The following DAB1 variants were observed in gnomAD, a reference collection of about 807,000 sequenced individuals.
DAB1 encodes the protein DAB adaptor protein 1.
A neutral mutation model predicts 64.6 loss-of-function variants in DAB1; 15 were observed. The ratio of observed to expected loss-of-function variants is 0.23; its 90% confidence interval spans 0.16 to 0.36. DAB1 has a LOEUF of 0.36. DAB1 is among the 10% of genes least tolerant of loss of function. The pLI is 1.00. For synonymous variants in DAB1, 235 were observed against 251.9 expected (o/e 0.93, Z 0.64); for missense variants, 596 against 706.7 (o/e 0.84, Z 1.78).
At chr1:57,385,466 T>A (rs914458877) in intron 1 of DAB1, among the ~76,000 whole-genome samples, 17 of 152,190 alleles carry the variant, frequency 1.1e-4, no homozygotes, top group African/African-American at 4.1e-4. Flanking sequence ...TGTAATGCAT[T>A]CAGTCAGCAA....
intron 2 of DAB1, among the ~76,000 whole-genome samples, chr1:57,173,230 A>C (rs781040184): frequency 2.6e-5 from 4 of 152,172 alleles, no homozygotes; most frequent in African/African-American, 4.8e-5. Flanking sequence ...TAAATGCCAG[A>C]GAAAGAAGCA....
chr1:58,363,942 C>T (rs1644191883), intron 3 of DAB1, among the ~76,000 whole-genome samples: 1 of 152,212 alleles, frequency 6.6e-6, no homozygotes, highest in Admixed American at 6.5e-5. Context: ...GTTGGTGCAA[C>T]ATATTTTCTG....
intron 6 of DAB1, among the ~76,000 whole-genome samples, chr1:57,734,552 T>C (rs1215647218): frequency 6.6e-6 from 1 of 152,198 alleles, no homozygotes; most frequent in Non-Finnish European, 1.5e-5. Context: ...GAAGCATCTA[T>C]TCCATTCTCC....
At chr1:57,520,070 T>A (rs1422781745) in intron 7 of DAB1, among the ~76,000 whole-genome samples, 3 of 152,234 alleles carry the variant, frequency 2.0e-5, no homozygotes, top group African/African-American at 7.2e-5. Context: ...TTTAACAAGT[T>A]ATTTTACCTC....
At chr1:57,079,334 T>C (rs747234422) in intron 4 of DAB1, among the ~76,000 whole-genome samples, 1 of 152,100 alleles carries the variant, frequency 6.6e-6, no homozygotes, top group Non-Finnish European at 1.5e-5. Context: ...CAAAAACAAG[T>C]CCATCTTGTC....
chr1:57,729,779 G>A (rs576426275), intron 6 of DAB1, among the ~76,000 whole-genome samples: 2 of 152,314 alleles, frequency 1.3e-5, no homozygotes, highest in East Asian at 1.9e-4. Flanking sequence ...AGAACCTTAT[G>A]TCCAGGCATG....
chr1:58,467,339 G>A (rs1004225430), intron 3 of DAB1, among the ~76,000 whole-genome samples: 7 of 152,184 alleles, frequency 4.6e-5, no homozygotes, highest in Admixed American at 2.6e-4. Flanking sequence ...AAAGCAGAAC[G>A]TCTGCTTTTT....
chr1:57,760,262 G>A, intron 6 of DAB1, among the ~76,000 whole-genome samples: 1 of 152,066 alleles, frequency 6.6e-6, no homozygotes, highest in East Asian at 1.9e-4. Context: ...CAGATACATG[G>A]TAATATCTCA....
chr1:57,371,135 A>G (rs926204458), intron 1 of DAB1, among the ~76,000 whole-genome samples: 3 of 152,238 alleles, frequency 2.0e-5, no homozygotes, highest in African/African-American at 7.2e-5. Context: ...CTGCTGAACC[A>G]TAACATTCTC....
intron 6 of DAB1, among the ~76,000 whole-genome samples, chr1:57,651,423 GA>G (rs1423919615): frequency 6.6e-6 from 1 of 152,116 alleles, no homozygotes; most frequent in African/African-American, 2.4e-5. Flanking sequence ...AAAGTTACAG[GA>G]TAGATTATTG....
chr1:57,253,695 T>G, intron 2 of DAB1, among the ~76,000 whole-genome samples: 1 of 152,290 alleles, frequency 6.6e-6, no homozygotes, highest in South Asian at 2.1e-4. Context: ...CTTGGTATGG[T>G]TAGTGTATCT....
chr1:58,064,944 TC>T (rs986663539), intron 5 of DAB1, among the ~76,000 whole-genome samples: 5 of 152,020 alleles, frequency 3.3e-5, no homozygotes, highest in African/African-American at 1.2e-4. Context: ...TCTCCTGACC[TC>T]GTGATCCGCC....
chr1:57,696,723 C>A (rs1461018851), intron 6 of DAB1, among the ~76,000 whole-genome samples: 1 of 152,176 alleles, frequency 6.6e-6, no homozygotes, highest in Non-Finnish European at 1.5e-5. Context: ...TGATCTTACC[C>A]TTTCTAAAAC....
chr1:57,204,487 A>G (rs1665380983), intron 2 of DAB1, among the ~76,000 whole-genome samples: 1 of 151,366 alleles, frequency 6.6e-6, no homozygotes, highest in Non-Finnish European at 1.5e-5. Flanking sequence ...GTATAGATAA[A>G]CTCTAAGAGT....
intron 7 of DAB1, among the ~76,000 whole-genome samples, chr1:57,519,159 T>C (rs758417583): frequency 2.0e-5 from 3 of 152,186 alleles, no homozygotes; most frequent in Non-Finnish European, 4.4e-5. Context: ...AGCAAACTAG[T>C]GCCAGCCTCT....
intron 7 of DAB1, among the ~76,000 whole-genome samples, chr1:57,647,807 C>G (rs1199632639): frequency 2.6e-5 from 4 of 152,168 alleles, no homozygotes; most frequent in Non-Finnish European, 5.9e-5. Flanking sequence ...GCTGAAAGGA[C>G]TATGGTGACT....
chr1:58,128,088 T>A (rs1653256963), intron 5 of DAB1, among the ~76,000 whole-genome samples: 1 of 151,864 alleles, frequency 6.6e-6, no homozygotes, highest in South Asian at 2.1e-4. Flanking sequence ...TTCCTACCCA[T>A]GAGCATGGAA....
intron 3 of DAB1, among the ~76,000 whole-genome samples, chr1:58,346,197 C>T (rs1643995885): frequency 1.3e-5 from 2 of 152,186 alleles, no homozygotes; most frequent in South Asian, 4.1e-4. Context: ...AATGGGCAGG[C>T]GGCCTGCAGC....
intron 7 of DAB1, among the ~76,000 whole-genome samples, chr1:57,525,452 G>C (rs1451876624): frequency 6.6e-6 from 1 of 152,032 alleles, no homozygotes; most frequent in Non-Finnish European, 1.5e-5. Flanking sequence ...TGAAAAAAAG[G>C]ATGCAAATAT....
Sources: allele counts gnomAD v4.1 joint callset (sites outside exome capture counted in the v4.1 genomes callset), GRCh38; gene constraint gnomAD v4.1.1; transcripts MANE v1.5; gene names NCBI Gene and HGNC (gene_info 2026-07-23, HGNC 2026-07-21).